TLK2: variants seen among roughly 807,000 people sequenced by gnomAD.
TLK2 encodes the protein tousled like kinase 2, also known as serine/threonine-protein kinase tousled-like 2.
A neutral mutation model predicts 117.3 loss-of-function variants in TLK2; 6 were observed. The observed-to-expected ratio is 0.05, with a 90% CI of 0.03 to 0.10. TLK2 has a LOEUF of 0.10. Among genes scored for constraint, TLK2 ranks in the 10% least tolerant of loss-of-function variants. The probability of loss-of-function intolerance (pLI) is 1.00; values close to 1 mark genes in which losing one functional copy is unlikely to be tolerated. For synonymous variants in TLK2, 257 were observed against 316.7 expected (o/e 0.81, Z 2.00); for missense variants, 299 against 901.2 (o/e 0.33, Z 8.56).
chr17:62,518,664 C>G (rs1471098481), intron 2 of TLK2, among the ~76,000 whole-genome samples: 1 of 151,954 alleles, frequency 6.6e-6, no homozygotes, highest in Non-Finnish European at 1.5e-5. Flanking sequence ...TGATATCACA[C>G]CTTTGCACTC....
At chr17:62,568,115 A>G (rs2079950517) in intron 11 of TLK2, among the ~76,000 whole-genome samples, 2 of 152,212 alleles carry the variant, frequency 1.3e-5, no homozygotes, top group Admixed American at 1.3e-4. Context: ...GATTTTGTTT[A>G]TGTTGAAGTA....
chr17:62,605,484 C>T (rs1027674743), intron 19 of TLK2, among the ~76,000 whole-genome samples: 12 of 152,006 alleles, frequency 7.9e-5, no homozygotes, highest in Admixed American at 1.3e-4. Flanking sequence ...GTGATCCTCC[C>T]GCCTCAGCTT....
chr17:62,539,726 T>G (rs1277997305), intron 7 of TLK2, among the ~76,000 whole-genome samples: 1 of 152,130 alleles, frequency 6.6e-6, no homozygotes, highest in African/African-American at 2.4e-5. Context: ...GGTCTCAAAC[T>G]CCTGACCTCA....
intron 2 of TLK2, among the ~76,000 whole-genome samples, chr17:62,495,390 A>G (rs1161048074): frequency 6.6e-6 from 1 of 152,048 alleles, no homozygotes; most frequent in African/African-American, 2.4e-5. Context: ...AAAAGAGTTT[A>G]GAGTCCAGGG....
At chr17:62,574,332 T>G in intron 12 of TLK2, 2 of 1,541,380 alleles carry the variant, frequency 1.3e-6, no homozygotes, top group Non-Finnish European at 1.7e-6. Context: ...GTTAAATGCT[T>G]ATTTTATGCT....
At chr17:62,471,921 CAG>C (rs1445431910) in intron 1 of TLK2, among the ~76,000 whole-genome samples, 4 of 27,914 alleles carry the variant, frequency 1.4e-4, no homozygotes, top group Non-Finnish European at 2.9e-4. Context: ...TTTTTTTAGA[CAG>C]AGTCTTACTC....
intron 15 of TLK2, among the ~76,000 whole-genome samples, chr17:62,585,409 G>A (rs1408367335): frequency 6.6e-6 from 1 of 152,176 alleles, no homozygotes; most frequent in African/African-American, 2.4e-5. Flanking sequence ...GTGATGGTGC[G>A]TGCCTGTAAT....
chr17:62,474,791 G>A (rs886361933), upstream of TLK2, among the ~76,000 whole-genome samples: 2 of 151,526 alleles, frequency 1.3e-5, no homozygotes, highest in Non-Finnish European at 2.9e-5. Flanking sequence ...CTCCCAATGT[G>A]CTGGGATTAC....
intron 1 of TLK2, among the ~76,000 whole-genome samples, chr17:62,471,917 T>TTTTTTTTTGG (rs1555579389): frequency 7.1e-6 from 1 of 140,796 alleles, no homozygotes; most frequent in African/African-American, 2.7e-5. Flanking sequence ...TTTTTTTTTT[T>TTTTTTTTTGG]AGACAGAGTC....
At chr17:62,501,979 T>C (rs2074238238) in intron 2 of TLK2, among the ~76,000 whole-genome samples, 1 of 150,770 alleles carries the variant, frequency 6.6e-6, no homozygotes, top group Admixed American at 6.6e-5. Flanking sequence ...AATCCAGACC[T>C]ACATGGCTTT....
chr17:62,474,943 G>T (rs987136253), upstream of TLK2, among the ~76,000 whole-genome samples: 6 of 152,008 alleles, frequency 3.9e-5, no homozygotes, highest in Non-Finnish European at 8.8e-5. Flanking sequence ...ACTACAGACA[G>T]GTGCACGCCA....
At chr17:62,545,347 C>G (rs887385201) in intron 7 of TLK2, among the ~76,000 whole-genome samples, 2 of 152,138 alleles carry the variant, frequency 1.3e-5, no homozygotes, top group African/African-American at 4.8e-5. Context: ...AAAGAAAATT[C>G]TGTGTGTAAA....
intron 2 of TLK2, among the ~76,000 whole-genome samples, chr17:62,505,297 G>A (rs747465715): frequency 7.9e-5 from 12 of 151,764 alleles, no homozygotes; most frequent in Non-Finnish European, 1.6e-4. Flanking sequence ...AGACTAAAGT[G>A]CAGTGGTGCA....
At chr17:62,550,835 A>C (rs2078400217) in intron 7 of TLK2, 3 of 152,216 alleles carry the variant, frequency 2.0e-5, no homozygotes, top group African/African-American at 7.2e-5. Flanking sequence ...CAACCACCTT[A>C]TAGGACAGAG....
At chr17:62,481,256 A>AT (rs752803734) in intron 2 of TLK2, 50 bp downstream of exon 2, 99 of 1,596,528 alleles carry the variant, frequency 6.2e-5, no homozygotes, top group Non-Finnish European at 8.3e-5. Flanking sequence ...ATTTAAACAC[A>AT]TTTTTTAAAT....
rs531106232 is a variant in TLK2, at chr17:62,484,878, A to G, written c.81+3672A>G. 1.3e-4 allele frequency among the ~76,000 whole-genome samples: 20 copies of G among 152,070 alleles called. No individual in the cohort carries two copies. In the South Asian group the frequency reaches 4.2e-3, roughly 32 times the overall value. On this transcript the variant is annotated intron_variant, in intron 2 of 21. Coordinates refer to ENST00000346027, the MANE Select transcript of TLK2 (RefSeq NM_006852.6). ...GAGACCATCCTGGCTAACACGGTGA[A>G]ACCCCATCTCTATTAAAAAATACAA...
intron 17 of TLK2, among the ~76,000 whole-genome samples, chr17:62,599,342 G>A (rs2082708970): frequency 6.6e-6 from 1 of 152,250 alleles, no homozygotes; most frequent in Non-Finnish European, 1.5e-5. Context: ...CAATTGCAGT[G>A]CTTTATGAAG....
chr17:62,605,599 TTGAGTTCAAGCGATC>T (rs1308305013), intron 19 of TLK2, among the ~76,000 whole-genome samples: 1 of 152,068 alleles, frequency 6.6e-6, no homozygotes, highest in East Asian at 1.9e-4. Context: ...TCTCAAATTC[TTGAGTTCAAGCGATC>T]TGCTGGCCTT....
At chr17:62,522,578 CTT>C (rs1447350825) in intron 4 of TLK2, among the ~76,000 whole-genome samples, 6 of 152,142 alleles carry the variant, frequency 3.9e-5, no homozygotes, top group African/African-American at 1.2e-4. Flanking sequence ...AGTTTTAACT[CTT>C]GTCTTTTGTT....
Sources: allele counts gnomAD v4.1 joint callset (sites outside exome capture counted in the v4.1 genomes callset), GRCh38; gene constraint gnomAD v4.1.1; transcripts MANE v1.5; gene names NCBI Gene and HGNC (gene_info 2026-07-23, HGNC 2026-07-21).